ZEB1: variants seen among roughly 807,000 people sequenced by gnomAD.
The protein encoded by ZEB1 is zinc finger E-box binding homeobox 1.
ZEB1 carries 21 observed loss-of-function variants against 84.9 expected under a neutral mutation model. That is an observed-to-expected ratio of 0.25 (90% confidence interval 0.18 to 0.36). The LOEUF is 0.36. Among genes scored for constraint, ZEB1 ranks in the 10% least tolerant of loss-of-function variants. The probability of loss-of-function intolerance (pLI) is 1.00; values close to 1 mark genes in which losing one functional copy is unlikely to be tolerated. For synonymous variants in ZEB1, 420 were observed against 471.1 expected (o/e 0.89, Z 1.41); for missense variants, 1,104 against 1,330.2 (o/e 0.83, Z 2.65).
chr10:31,361,838 TGAG>T, intron 1 of ZEB1, among the ~76,000 whole-genome samples: 1 of 139,574 alleles, frequency 7.2e-6, no homozygotes, highest in Non-Finnish European at 1.6e-5. Context: ...TCCCAGACGG[TGAG>T]GAGGCCGGGC....
At chr10:31,410,017 A>T (rs1388773888) in intron 1 of ZEB1, among the ~76,000 whole-genome samples, 1 of 152,186 alleles carries the variant, frequency 6.6e-6, no homozygotes, top group Non-Finnish European at 1.5e-5. Context: ...CTCTTGCGTG[A>T]TTGCCCAAGC....
At chr10:31,415,430 A>G (rs751065516) in intron 1 of ZEB1, among the ~76,000 whole-genome samples, 21 of 152,076 alleles carry the variant, frequency 1.4e-4, no homozygotes, top group Non-Finnish European at 2.1e-4. Context: ...GCCATTATCT[A>G]TGGGTGGTGG....
At chr10:31,399,949 T>G (rs2051611548) in intron 1 of ZEB1, among the ~76,000 whole-genome samples, 1 of 152,188 alleles carries the variant, frequency 6.6e-6, no homozygotes, top group Non-Finnish European at 1.5e-5. Flanking sequence ...TGTAATACTC[T>G]TTCCCTGTAT....
chr10:31,379,375 G>A (rs1350654178), intron 1 of ZEB1, among the ~76,000 whole-genome samples: 2 of 151,596 alleles, frequency 1.3e-5, no homozygotes, highest in African/African-American at 4.8e-5. Context: ...TCTTTCCTAA[G>A]GTATTGTTGG....
At chr10:31,463,956 G>A (rs574889782) in intron 2 of ZEB1, among the ~76,000 whole-genome samples, 32 of 152,226 alleles carry the variant, frequency 2.1e-4, no homozygotes, top group East Asian at 1.7e-3. Context: ...CTAGAGTTAC[G>A]TCATACAGAT....
chr10:31,480,245 T>G (rs1415200495), intron 2 of ZEB1, among the ~76,000 whole-genome samples: 2 of 152,060 alleles, frequency 1.3e-5, no homozygotes, highest in Non-Finnish European at 2.9e-5. Flanking sequence ...CCAAGACAAT[T>G]AAACTTTTTA....
At chr10:31,485,780 C>G (rs1013769304) in intron 2 of ZEB1, among the ~76,000 whole-genome samples, 1 of 151,550 alleles carries the variant, frequency 6.6e-6, no homozygotes, top group Non-Finnish European at 1.5e-5. Context: ...TTAATACACA[C>G]ACACACAAAC....
chr10:31,393,133 C>T (rs2050080235), intron 1 of ZEB1, among the ~76,000 whole-genome samples: 1 of 152,112 alleles, frequency 6.6e-6, no homozygotes, highest in Non-Finnish European at 1.5e-5. Context: ...GCCACCATGC[C>T]CAGCTGTACT....
chr10:31,336,019 C>T (rs1056014913), intron 1 of ZEB1, among the ~76,000 whole-genome samples: 2 of 152,030 alleles, frequency 1.3e-5, no homozygotes, highest in African/African-American at 4.8e-5. Flanking sequence ...ACAACGTGCT[C>T]AATATCTTTA....
At chr10:31,410,444 G>T (rs531117046) in intron 1 of ZEB1, among the ~76,000 whole-genome samples, 1 of 152,142 alleles carries the variant, frequency 6.6e-6, no homozygotes, top group Non-Finnish European at 1.5e-5. Context: ...ATGTTCATCA[G>T]GGATATTGGC....
At chr10:31,411,563 C>T (rs928675483) in intron 1 of ZEB1, among the ~76,000 whole-genome samples, 12 of 141,230 alleles carry the variant, frequency 8.5e-5, no homozygotes, top group African/African-American at 2.1e-4. Context: ...ACCTGGGAAG[C>T]GGAGCTTGCA....
chr10:31,523,525 A>T (rs2072798195), intron 7 of ZEB1, among the ~76,000 whole-genome samples: 1 of 152,246 alleles, frequency 6.6e-6, no homozygotes, highest in Non-Finnish European at 1.5e-5. Context: ...AAGGCAAAAG[A>T]TGCAGTTAGT....
At chr10:31,427,993 C>T (rs1458216148) in intron 1 of ZEB1, among the ~76,000 whole-genome samples, 1 of 151,982 alleles carries the variant, frequency 6.6e-6, no homozygotes, top group Non-Finnish European at 1.5e-5. Flanking sequence ...CAGTCTGTTT[C>T]ATTAATTTTT....
At chr10:31,472,329 A>G (rs2063386070) in intron 2 of ZEB1, among the ~76,000 whole-genome samples, 1 of 152,226 alleles carries the variant, frequency 6.6e-6, no homozygotes, top group African/African-American at 2.4e-5. Flanking sequence ...ACTAATAAAA[A>G]AAGAGAGAAG....
At chr10:31,475,257 A>T (rs961597489) in intron 2 of ZEB1, among the ~76,000 whole-genome samples, 1 of 151,800 alleles carries the variant, frequency 6.6e-6, no homozygotes, top group Non-Finnish European at 1.5e-5. Context: ...ACAAAAAATA[A>T]GTTTTGTAAA....
rs188777756 is a variant in ZEB1 at position 31,369,624 on chromosome 10, C to T, written c.58+50332C>T. ...CCATTGATAGACACTTAGGTGTTTC[C>T]GTATCCTGGCTATTGTAAATAATGC... On this transcript the variant is annotated intron_variant, in intron 1 of 8. Coordinates refer to ENST00000424869, the MANE Select transcript of ZEB1 (RefSeq NM_001174096.2). Among the ~76,000 whole-genome samples the T allele has an allele frequency of 7.6e-4, 116 of 152,236 alleles. No homozygotes were observed. The Middle Eastern group carries it at 0.01, about 13-fold the overall frequency.
At chr10:31,442,054 C>G (rs1268928856) in intron 1 of ZEB1, among the ~76,000 whole-genome samples, 1 of 152,208 alleles carries the variant, frequency 6.6e-6, no homozygotes, top group East Asian at 1.9e-4. Flanking sequence ...CATCCCATTA[C>G]TGGGTATATA....
chr10:31,412,892 ATAAC>A (rs1376504330), intron 1 of ZEB1, among the ~76,000 whole-genome samples: 1 of 152,206 alleles, frequency 6.6e-6, no homozygotes, highest in Non-Finnish European at 1.5e-5. Flanking sequence ...TCCTCGAAGT[ATAAC>A]TAACTGAGAG....
At chr10:31,362,226 C>T (rs573397705) in intron 1 of ZEB1, among the ~76,000 whole-genome samples, 1 of 146,464 alleles carries the variant, frequency 6.8e-6, no homozygotes, top group Non-Finnish European at 1.5e-5. Context: ...GTGCTCCTCA[C>T]TTCCCAGATG....
Sources: gnomAD v4.1 joint callset for allele counts (sites outside exome capture counted in the v4.1 genomes callset) on GRCh38, gnomAD v4.1.1 for gene constraint, MANE v1.5 for transcripts, NCBI Gene and HGNC (gene_info 2026-07-23, HGNC 2026-07-21) for gene names.